BYSL: variants seen among roughly 807,000 people sequenced by gnomAD.
The protein encoded by BYSL is bystin like.
BYSL carries 21 observed loss-of-function variants against 45.4 expected under a neutral mutation model. That is an observed-to-expected ratio of 0.46 (90% CI 0.33 to 0.67). The LOEUF (loss-of-function observed/expected upper bound fraction) is 0.67. Ranked by LOEUF, BYSL falls within the 30% of genes least tolerant of loss-of-function variation. The pLI is 0.02. For missense variants in BYSL, 522 were observed against 578.5 expected (o/e 0.90, Z 1.00); for synonymous variants, 215 against 231.3 (o/e 0.93, Z 0.64).
chr6:41,912,735 TC>T, the BYSL span, among the ~76,000 whole-genome samples: 1 of 152,078 alleles, frequency 6.6e-6, no homozygotes, highest in Admixed American at 6.6e-5. Flanking sequence ...AGGTTTACTA[TC>T]CCCTTTCTAA....
At chr6:41,919,599 C>A (rs988878903), upstream of BYSL, among the ~76,000 whole-genome samples, 13 of 152,148 alleles carry the variant, frequency 8.5e-5, no homozygotes, top group East Asian at 7.7e-4. Context: ...AGGGGGCCAA[C>A]AGAGAGCCCT....
At chr6:41,912,270 G>C in the BYSL span, among the ~76,000 whole-genome samples, 1 of 140,484 alleles carries the variant, frequency 7.1e-6, no homozygotes, top group Non-Finnish European at 1.5e-5. Flanking sequence ...CAAACTCCTA[G>C]GCTCAAGCAA....
upstream of BYSL, among the ~76,000 whole-genome samples, chr6:41,918,540 A>G (rs1269673045): frequency 3.3e-5 from 5 of 150,932 alleles, no homozygotes; most frequent in East Asian, 3.9e-4. Context: ...TTGGCCAGGC[A>G]CGGTGGCTCA....
At chr6:41,909,992 G>C in the BYSL span, among the ~76,000 whole-genome samples, 1 of 152,120 alleles carries the variant, frequency 6.6e-6, no homozygotes. Flanking sequence ...CCCTCTTTGA[G>C]ATCTAGTAAA....
At chr6:41,927,259 C>T (rs1775576122) in intron 1 of BYSL, 115 bp from the exon 2 acceptor site, 2 of 1,298,082 alleles carry the variant, frequency 1.5e-6, no homozygotes, top group African/African-American at 2.9e-5. Context: ...CTGCACATAC[C>T]TGCGTCTATC....
intron 1 of BYSL, among the ~76,000 whole-genome samples, chr6:41,923,302 C>CAA (rs1182995057): frequency 6.8e-6 from 1 of 147,496 alleles, no homozygotes; most frequent in African/African-American, 2.6e-5. Context: ...CCACCATGTC[C>CAA]AACTAATTCT....
chr6:41,910,632 C>CAAAA, the BYSL span, among the ~76,000 whole-genome samples: 1 of 128,486 alleles, frequency 7.8e-6, no homozygotes, highest in Non-Finnish European at 1.6e-5. Flanking sequence ...ACTCTATCTC[C>CAAAA]AAAAAAAAAA....
chr6:41,927,632 G>C, intron 2 of BYSL, 96 bp downstream of exon 2: 1 of 1,489,304 alleles, frequency 6.7e-7, no homozygotes, highest in South Asian at 1.3e-5. Context: ...CTTTGGAAAG[G>C]GCCCTGGAGT....
chr6:41,914,292 A>G, the BYSL span, among the ~76,000 whole-genome samples: 1 of 152,226 alleles, frequency 6.6e-6, no homozygotes, highest in East Asian at 1.9e-4. Context: ...GAGCAGAGGG[A>G]GAGGAACACT....
chr6:41,926,654 T>C (rs928647340), intron 1 of BYSL, among the ~76,000 whole-genome samples: 36 of 151,086 alleles, frequency 2.4e-4, no homozygotes, highest in African/African-American at 8.7e-4. Flanking sequence ...TTTCACCATG[T>C]TGACCAGGGT....
chr6:41,921,401 T>C (rs529664198), upstream of BYSL: 5 of 995,252 alleles, frequency 5.0e-6, no homozygotes, highest in African/African-American at 1.6e-5. Flanking sequence ...GGAGCTCTTT[T>C]AGTGGGAGGG....
chr6:41,920,854 G>A (rs1341190289), upstream of BYSL: 3 of 950,246 alleles, frequency 3.2e-6, no homozygotes, highest in African/African-American at 1.7e-5. Flanking sequence ...AAACAAGCCC[G>A]GGGAACCCGC....
In BYSL at chr6:41,932,687, T is replaced by C. The variant is rs1775658793; in HGVS notation, c.1295T>C (p.Val432Ala). 6.2e-7 allele frequency: 1 copy of C among 1,611,422 alleles called. No individual in the cohort carries two copies. The highest frequency in any genetic ancestry group is 1.1e-5 in the South Asian group (1 of 90,964). Reference protein sequence around the residue: ...QSAVPRDVEDVPITVE With the variant: ...QSAVPRDVEDAPITVE Reference sequence around the variant, plus strand: ...GCAGTCCCCCGCGATGTGGAAGATGTTCCCATCACCGTGGAGTGAGGAAAA... The same window carrying C: ...GCAGTCCCCCGCGATGTGGAAGATGCTCCCATCACCGTGGAGTGAGGAAAA... Residue 432 changes from valine (V) to alanine (A), a missense_variant, in exon 7 of 7, where the codon GTT becomes GCT. Val to Ala is a moderately conservative substitution (Grantham distance 64). Transcript: ENST00000230340. The surrounding 1 kb of genome is among the most constrained non-coding windows in gnomAD (Gnocchi z 4.7).
At chr6:41,930,349 G>A in intron 3 of BYSL, 79 bp downstream of exon 3, 3 of 1,536,114 alleles carry the variant, frequency 2.0e-6, no homozygotes, top group South Asian at 1.2e-5. Context: ...TTTGCCTTTT[G>A]CCTGCATCAC....
In BYSL at chr6:41,921,802, G is replaced by A. The variant is rs148492917; in HGVS notation, c.240G>A (p.Ala80=). The change falls in exon 1 of 7, where the codon GCG becomes GCA. Residue 80 remains alanine, a synonymous_variant. Transcript: ENST00000230340. ...AGCATGGGACTGGGGACAAGCCCGC[G>A]GCGCCGCGGGAACGCACCACGCGGC... ...EAEHGTGDKP[A]APRERTTRLG... is the part of the protein sequence containing the mutation. 4,685 of 1,612,184 alleles carry A rather than the reference G, an allele frequency of 2.9e-3. 12 individuals carry two copies. Among genetic ancestry groups the A allele is most frequent in the Non-Finnish European group, 3.5e-3 (4,099 of 1,179,488 alleles).
chr6:41,931,161 T>TG (rs1161560934), intron 4 of BYSL, among the ~76,000 whole-genome samples: 1 of 84,358 alleles, frequency 1.2e-5, no homozygotes, highest in Non-Finnish European at 2.5e-5. Context: ...GCACGAGCTC[T>TG]GGCTCTCCCA....
the BYSL span, among the ~76,000 whole-genome samples, chr6:41,916,007 GA>G: frequency 1.3e-5 from 2 of 152,144 alleles, no homozygotes; most frequent in East Asian, 3.9e-4. Context: ...AGTACTTTGG[GA>G]AGCTGAGGCC....
chr6:41,931,274 TGAAA>T, intron 4 of BYSL, 118 bp from the exon 5 acceptor site: 1 of 1,186,648 alleles, frequency 8.4e-7, no homozygotes, highest in Non-Finnish European at 1.2e-6. Flanking sequence ...CATCCCCCAC[TGAAA>T]GAAAGGTCCC....
At chr6:41,916,942 G>A, upstream of BYSL, 1 of 1,613,798 alleles carries the variant, frequency 6.2e-7, no homozygotes, top group Non-Finnish European at 8.5e-7. Context: ...GGGACACACT[G>A]GAAAGGAGAG....
Sources: allele counts gnomAD v4.1 joint callset (sites outside exome capture counted in the v4.1 genomes callset), GRCh38; gene constraint gnomAD v4.1.1; non-coding constraint Gnocchi (gnomAD v3.1); transcripts MANE v1.5; gene names NCBI Gene and HGNC (gene_info 2026-07-23, HGNC 2026-07-21).